PXDNL: variants seen among roughly 807,000 people sequenced by gnomAD.
The protein encoded by PXDNL is probable oxidoreductase PXDNL.
Under a neutral mutation model 150.8 loss-of-function variants are expected in PXDNL, and 145 were observed. That is an observed-to-expected ratio of 0.96 (90% CI 0.84 to 1.10). The LOEUF (loss-of-function observed/expected upper bound fraction) is 1.10. Ranked by LOEUF, PXDNL falls within the 50% of genes least tolerant of loss-of-function variation. PXDNL has a pLI of 0.00. For synonymous variants in PXDNL, 757 were observed against 725.7 expected (o/e 1.04, Z -0.69); for missense variants, 2,087 against 1,873.9 (o/e 1.11, Z -2.10).
chr8:51,339,847 T>C, intron 20 of PXDNL, 94 bp from the exon 21 acceptor site: 1 of 1,211,410 alleles, frequency 8.3e-7, no homozygotes, highest in Non-Finnish European at 1.2e-6. Context: ...ATTTGGCATG[T>C]ACAAGGCATT....
chr8:51,637,707 G>C (rs974388332), intron 2 of PXDNL, among the ~76,000 whole-genome samples: 2 of 152,182 alleles, frequency 1.3e-5, no homozygotes, highest in African/African-American at 4.8e-5. Flanking sequence ...TATGTGAAAA[G>C]ACCAAATCTA....
intron 2 of PXDNL, among the ~76,000 whole-genome samples, chr8:51,606,674 AAAC>A (rs1290644598): frequency 1.3e-5 from 2 of 152,172 alleles, no homozygotes; most frequent in African/African-American, 4.8e-5. Flanking sequence ...AAAAAAGTAA[AAAC>A]AACTGGGTAA....
rs1448517559 is a variant in PXDNL, at chr8:51,411,274, G to A, written c.2038C>T (p.Leu680Phe). 1 of 1,514,438 alleles carries A rather than the reference G, an allele frequency of 6.6e-7. No homozygotes were observed. Among genetic ancestry groups the A allele is most frequent in the East Asian group, 2.5e-5 (1 of 39,736 alleles). The allele number at this position is 1,514,438 out of a possible 1,614,324, so 93.8% of individuals were successfully genotyped here. The change falls in exon 16 of 23, where the codon CTC becomes TTC. Residue 680 changes from leucine to phenylalanine, a missense_variant. Leu to Phe is a conservative substitution (Grantham distance 22). Transcript: ENST00000356297. ...CCTTTGCCTTCCAAGTCCACAGTGA[G>A]CCCCTGCTTCACACGTTCCCGTATC... Reference protein sequence around the residue: ...QLIRERVKQGLTVDLEGKEFR... With the variant: ...QLIRERVKQGFTVDLEGKEFR...
chr8:51,533,775 G>A lies in PXDNL; in HGVS notation c.380+23065C>T, dbSNP rs528676449. Among the ~76,000 whole-genome samples, 8 of 150,406 alleles carry A rather than the reference G, an allele frequency of 5.3e-5. No homozygotes were observed. In the South Asian group the frequency reaches 1.1e-3, roughly 20 times the overall value. On this transcript the variant is annotated intron_variant, in intron 4 of 22. Coordinates refer to ENST00000356297, the MANE Select transcript of PXDNL (RefSeq NM_144651.5). ...GTGCCGGGATTGCAGACGGAGTCTCGTTCACTCAGTGCTCAATGGTGCCCA... is the reference window on the plus strand; with the variant it reads ...GTGCCGGGATTGCAGACGGAGTCTCATTCACTCAGTGCTCAATGGTGCCCA...
chr8:51,669,322 T>C (rs957354636), intron 1 of PXDNL, among the ~76,000 whole-genome samples: 1 of 152,196 alleles, frequency 6.6e-6, no homozygotes, highest in Non-Finnish European at 1.5e-5. Context: ...TTACTTCTAG[T>C]AACTAAAAAG....
intron 19 of PXDNL, among the ~76,000 whole-genome samples, chr8:51,367,042 A>C (rs910460465): frequency 1.4e-4 from 20 of 141,272 alleles, no homozygotes; most frequent in Admixed American, 5.5e-4. Context: ...TGGAGGTTTC[A>C]ATAAGCCGAG....
At chr8:51,784,639 A>G (rs2037444322) in intron 1 of PXDNL, among the ~76,000 whole-genome samples, 1 of 152,210 alleles carries the variant, frequency 6.6e-6, no homozygotes, top group Admixed American at 6.5e-5. Context: ...TGCTTCTAGT[A>G]ATAAAAGACA....
Position 51,348,883 on chromosome 8 carries a change from A to G in PXDNL, c.3902-2936T>C, listed in dbSNP as rs1417282802. ...AGTCAGACTCAAAAGCCATAACACT[A>G]CAGCACAGAATGAGGAAAACAGAAG... On this transcript the variant is annotated intron_variant, in intron 19 of 22. Coordinates refer to ENST00000356297, the MANE Select transcript of PXDNL (RefSeq NM_144651.5). 3.9e-5 allele frequency among the ~76,000 whole-genome samples: 6 copies of G among 152,326 alleles called. No individual in the cohort carries two copies. In the South Asian group the frequency reaches 1.0e-3, roughly 26 times the overall value.
At chr8:51,670,056 G>A (rs571760598) in intron 1 of PXDNL, among the ~76,000 whole-genome samples, 1 of 152,260 alleles carries the variant, frequency 6.6e-6, no homozygotes, top group Non-Finnish European at 1.5e-5. Flanking sequence ...GGCCAACATG[G>A]TGAAACCCCA....
intron 17 of PXDNL, 107 bp downstream of exon 17, chr8:51,407,960 G>A: frequency 1.1e-6 from 1 of 880,750 alleles, no homozygotes; most frequent in Non-Finnish European, 1.7e-6. Flanking sequence ...AGTACTAAAA[G>A]CTCTGCAGCA....
chr8:51,494,561 C>T (rs1810994707), intron 5 of PXDNL, among the ~76,000 whole-genome samples: 2 of 152,000 alleles, frequency 1.3e-5, no homozygotes, highest in African/African-American at 2.4e-5. Flanking sequence ...CACACATAGG[C>T]TCAAAATAAA....
At chr8:51,789,196 A>AT (rs10718358) in intron 1 of PXDNL, among the ~76,000 whole-genome samples, 11,295 of 131,876 alleles carry the variant, frequency 0.086, 491 homozygotes, top group Admixed American at 0.12. Context: ...CATTGTACCC[A>AT]TTTTTTTTTT....
chr8:51,432,719 G>C (rs758318097), intron 12 of PXDNL, among the ~76,000 whole-genome samples: 65 of 152,142 alleles, frequency 4.3e-4, no homozygotes, highest in Non-Finnish European at 8.5e-4. Context: ...CAATGATCTT[G>C]CTGAACTCTT....
intron 1 of PXDNL, among the ~76,000 whole-genome samples, chr8:51,784,609 G>T (rs995374854): frequency 2.0e-5 from 3 of 152,240 alleles, no homozygotes; most frequent in Non-Finnish European, 4.4e-5. Context: ...GATCAACGTC[G>T]CATGGAAACA....
chr8:51,664,677 G>A (rs1211255580), intron 1 of PXDNL, among the ~76,000 whole-genome samples: 1 of 152,074 alleles, frequency 6.6e-6, no homozygotes, highest in Non-Finnish European at 1.5e-5. Flanking sequence ...TGACTCTGGG[G>A]GAGTCAGACA....
At chr8:51,473,274 A>AACACACACAC (rs1164131411) in intron 7 of PXDNL, among the ~76,000 whole-genome samples, 4,445 of 133,976 alleles carry the variant, frequency 0.033, 140 homozygotes, top group East Asian at 0.077. Context: ...GTAGAAAATA[A>AACACACACAC]ACACACACAC....
chr8:51,679,440 A>C (rs1815695471), intron 1 of PXDNL, among the ~76,000 whole-genome samples: 1 of 152,228 alleles, frequency 6.6e-6, no homozygotes, highest in African/African-American at 2.4e-5. Context: ...TGCAACCTTG[A>C]ACAAATTACT....
intron 5 of PXDNL, among the ~76,000 whole-genome samples, chr8:51,494,980 C>A (rs1026001897): frequency 1.3e-5 from 2 of 152,152 alleles, no homozygotes; most frequent in South Asian, 4.1e-4. Flanking sequence ...AATATACATT[C>A]TTTTCAGCAC....
In PXDNL at chr8:51,409,034, G is replaced by C. The variant is rs936865843; in HGVS notation, c.2590C>G (p.Arg864Gly). The stretch of plus-strand genomic sequence containing the variant: ...CCGCTGGCACACGCGGGGCTGGAGC[G>C]CGCGAAGAGCATGCAGGGCGCGTGG... ...GTHAPCMLFARSSPACASGRP... is the reference protein window; with the variant it reads ...GTHAPCMLFAGSSPACASGRP... Residue 864 changes from arginine (R) to glycine (G), a missense_variant, in exon 17 of 23, where the codon CGC (arginine) becomes GGC (glycine). By Grantham distance (125) the Arg-to-Gly change is moderately radical. Transcript: ENST00000356297. The C allele has an allele frequency of 2.5e-6, 4 of 1,610,262 alleles. No individual in the cohort carries two copies. Among genetic ancestry groups the C allele is most frequent in the African/African-American group, 2.7e-5 (2 of 74,936 alleles).
Sources: allele counts gnomAD v4.1 joint callset (sites outside exome capture counted in the v4.1 genomes callset), GRCh38; gene constraint gnomAD v4.1.1; transcripts MANE v1.5; gene names NCBI Gene and HGNC (gene_info 2026-07-23, HGNC 2026-07-21).